MTA3: variants seen among roughly 807,000 people sequenced by gnomAD.
MTA3 encodes metastasis-associated protein MTA3.
A neutral mutation model predicts 83.5 loss-of-function variants in MTA3; 34 were observed. That is an observed-to-expected ratio of 0.41 (90% CI 0.31 to 0.54). The LOEUF is 0.54. MTA3 is among the 20% of genes least tolerant of loss of function. The probability of loss-of-function intolerance (pLI) is 0.33; values close to 1 mark genes in which losing one functional copy is unlikely to be tolerated. For synonymous variants in MTA3, 303 were observed against 252.7 expected, an observed-to-expected ratio of 1.20 and a Z score of -1.89; for missense variants, 761 against 726.4, an observed-to-expected ratio of 1.05 and a Z score of -0.55.
chr2:42,587,954 G>A (rs899897701), intron 3 of MTA3, among the ~76,000 whole-genome samples: 1 of 152,100 alleles, frequency 6.6e-6, no homozygotes, highest in Non-Finnish European at 1.5e-5. Flanking sequence ...CACTGCAACA[G>A]AAATGCCTAT....
At chr2:42,720,715 T>A (rs1040099974) in intron 15 of MTA3, among the ~76,000 whole-genome samples, 23 of 151,860 alleles carry the variant, frequency 1.5e-4, no homozygotes, top group Non-Finnish European at 2.6e-4. Flanking sequence ...TCCCAGTACT[T>A]TGAGAGGCAG....
intron 5 of MTA3, among the ~76,000 whole-genome samples, chr2:42,643,558 C>G (rs1359692716): frequency 2.0e-5 from 3 of 152,118 alleles, no homozygotes; most frequent in Non-Finnish European, 4.4e-5. Context: ...TGCCTCAGTA[C>G]TTAACTGCAG....
intron 2 of MTA3, among the ~76,000 whole-genome samples, chr2:42,545,815 A>G (rs1676734226): frequency 2.0e-5 from 3 of 152,196 alleles, no homozygotes; most frequent in Admixed American, 2.0e-4. Context: ...ACTGAGGTTC[A>G]GGTTAAGATT....
intron 8 of MTA3, among the ~76,000 whole-genome samples, chr2:42,669,686 C>T (rs766591520): frequency 5.1e-4 from 77 of 152,206 alleles, no homozygotes; most frequent in Middle Eastern, 6.8e-3. Flanking sequence ...AGTGTGGAGA[C>T]GCTGCAGACT....
At position 42,641,141 on chromosome 2, in the gene MTA3, A is replaced by G. The variant is rs191532611; in HGVS notation, c.381+905A>G. ...AGGCTGGTCTTCAACTCCTGGCCTC[A>G]GGTGATCTGCCTTCCTCAGCCTCCC... On this transcript the variant is annotated intron_variant, in intron 5 of 16. Transcript: ENST00000405094. 3.6e-3 allele frequency among the ~76,000 whole-genome samples: 549 copies of G among 150,514 alleles called. 17 individuals are homozygous for G. Among genetic ancestry groups the G allele is most frequent in the Non-Finnish European group, 6.5e-4 (44 of 67,886 alleles).
chr2:42,751,063 G>A (rs1253300046), intron 16 of MTA3, among the ~76,000 whole-genome samples: 1 of 152,150 alleles, frequency 6.6e-6, no homozygotes, highest in East Asian at 1.9e-4. Context: ...TCATTTATCT[G>A]CTTTCCAGCT....
chr2:42,591,082 GACATCATAGAGTGT>G (rs1446907942), intron 3 of MTA3, among the ~76,000 whole-genome samples: 1 of 147,206 alleles, frequency 6.8e-6, no homozygotes, highest in Non-Finnish European at 1.5e-5. Flanking sequence ...TCTTTGTGTG[GACATCATAGAGTGT>G]ACTTACACAA....
At chr2:42,578,226 A>G (rs749998810) in intron 2 of MTA3, among the ~76,000 whole-genome samples, 12 of 152,194 alleles carry the variant, frequency 7.9e-5, no homozygotes, top group Non-Finnish European at 1.6e-4. Flanking sequence ...ATTTTATTAT[A>G]ATCTGTGTGT....
At position 42,641,565 on chromosome 2, in the gene MTA3, C is replaced by T. The variant is rs115406700; in HGVS notation, c.381+1329C>T. On this transcript the variant is annotated intron_variant, in intron 5 of 16. Coordinates refer to ENST00000405094, the MANE Select transcript of MTA3 (RefSeq NM_001330442.2). ...TTCATTGTATTAAATTTTTTTTTTT[C>T]GGCCGAACGTGGTGGCTCACACATG... 4.4e-3 allele frequency among the ~76,000 whole-genome samples: 658 copies of T among 150,198 alleles called. 6 individuals are homozygous for T. Among genetic ancestry groups the T allele is most frequent in the African/African-American group, 0.015 (617 of 41,024 alleles).
At chr2:42,752,460 A>G (rs1669949781) in intron 16 of MTA3, among the ~76,000 whole-genome samples, 1 of 152,196 alleles carries the variant, frequency 6.6e-6, no homozygotes, top group South Asian at 2.1e-4. Flanking sequence ...TTTCTAATAC[A>G]ACACGGTGGT....
intron 2 of MTA3, among the ~76,000 whole-genome samples, chr2:42,542,254 G>A (rs941888153): frequency 2.1e-4 from 32 of 152,160 alleles, no homozygotes; most frequent in African/African-American, 6.5e-4. Flanking sequence ...ACATGGCCCT[G>A]AGCCCATCTC....
chr2:42,633,435 G>T (rs949048365), intron 4 of MTA3, among the ~76,000 whole-genome samples: 2 of 151,812 alleles, frequency 1.3e-5, no homozygotes, highest in Admixed American at 1.3e-4. Context: ...AAAAGTTAGC[G>T]GGGCCTGGTG....
chr2:42,594,728 A>ATATATATATATATATTT, intron 3 of MTA3, among the ~76,000 whole-genome samples: 4 of 24,036 alleles, frequency 1.7e-4, no homozygotes, highest in Non-Finnish European at 2.6e-4. Context: ...ATATATATAT[A>ATATATATATATATATTT]TTTTTTTTTT....
chr2:42,548,827 AT>A (rs1676893584), intron 2 of MTA3, among the ~76,000 whole-genome samples: 1 of 20,016 alleles, frequency 5.0e-5, no homozygotes, highest in East Asian at 1.6e-3. Context: ...ATATATATAT[AT>A]AATATATATA....
At chr2:42,545,254 T>G (rs1168088667) in intron 2 of MTA3, among the ~76,000 whole-genome samples, 1 of 152,202 alleles carries the variant, frequency 6.6e-6, no homozygotes, top group East Asian at 1.9e-4. Flanking sequence ...GGCACACGCC[T>G]GTACTCGCAG....
chr2:42,694,814 C>A (rs1482059199), intron 9 of MTA3, among the ~76,000 whole-genome samples: 2 of 152,116 alleles, frequency 1.3e-5, no homozygotes, highest in Non-Finnish European at 2.9e-5. Flanking sequence ...GCAGCCCCAC[C>A]TGTAGCTTGA....
At chr2:42,523,661 C>G (rs1461071858) in intron 2 of MTA3, among the ~76,000 whole-genome samples, 3 of 152,110 alleles carry the variant, frequency 2.0e-5, no homozygotes, top group Non-Finnish European at 2.9e-5. Context: ...GCTTGTAACC[C>G]CAGCACTTTG....
intron 14 of MTA3, 150 bp downstream of exon 14, chr2:42,709,246 T>A: frequency 6.9e-7 from 1 of 1,438,858 alleles, no homozygotes; most frequent in Non-Finnish European, 9.1e-7. Context: ...TAACATTGTT[T>A]TTGTGTGCTG....
chr2:42,518,658 T>C (rs1675266143), intron 2 of MTA3, among the ~76,000 whole-genome samples: 1 of 151,478 alleles, frequency 6.6e-6, no homozygotes, highest in South Asian at 2.1e-4. Flanking sequence ...GAAGTGTAGA[T>C]TGCTCATAAT....
Sources: gnomAD v4.1 joint callset for allele counts (sites outside exome capture counted in the v4.1 genomes callset) on GRCh38, gnomAD v4.1.1 for gene constraint, MANE v1.5 for transcripts, NCBI Gene and HGNC (gene_info 2026-07-23, HGNC 2026-07-21) for gene names.